Variants in NOC4L observed in about 807,000 individuals in gnomAD.
The protein encoded by NOC4L is nucleolar complex protein 4 homolog.
A neutral mutation model predicts 62.8 loss-of-function variants in NOC4L; 40 were observed. That is an observed-to-expected ratio of 0.64 (90% CI 0.49 to 0.83). The LOEUF (loss-of-function observed/expected upper bound fraction) is 0.83, where lower values mean the gene tolerates loss of function less well. Ranked by LOEUF, NOC4L falls within the 40% of genes least tolerant of loss-of-function variation. NOC4L has a pLI of 0.00. For synonymous variants in NOC4L, 433 were observed against 299.8 expected (o/e 1.44, Z -4.59); for missense variants, 927 against 701.9 (o/e 1.32, Z -3.62).
In NOC4L at chr12:132,151,290, G is replaced by A. The variant is rs1000492604; in HGVS notation, c.995G>A (p.Gly332Asp). Residue 332 changes from glycine (G) to aspartate (D), a missense_variant, in exon 11 of 15, where the codon GGC becomes GAC. Transcript: ENST00000330579. ...CCTGACTTCTACCGGAAGCTCTACG[G>A]CCTCTTGGACCCCTCTGTCTTTCAC... ...EYPDFYRKLY[G>D]LLDPSVFHVK... 2.5e-6 allele frequency: 4 copies of A among 1,611,894 alleles called. No homozygotes were observed. The highest frequency in any genetic ancestry group is 1.7e-4 in the Middle Eastern group (1 of 6,060).
intron 7 of NOC4L, 97 bp from the exon 8 acceptor site, chr12:132,148,512 G>C (rs1002099293): frequency 7.5e-6 from 10 of 1,335,236 alleles, no homozygotes; most frequent in Admixed American, 2.1e-5. Context: ...GAGCAGGCTT[G>C]TGTTGGCTCA....
chr12:132,150,799 C>T (rs1238248161), intron 9 of NOC4L, 182 bp from the exon 10 acceptor site: 3 of 597,138 alleles, frequency 5.0e-6, no homozygotes, highest in Admixed American at 2.8e-5. Context: ...CTTCCCCGAT[C>T]CCACTGCCTC....
rs149558270 is a variant in NOC4L at position 132,151,328 on chromosome 12, G to C, written c.1033G>C (p.Ala345Pro). The change falls in exon 11 of 15, where the codon GCC becomes CCC. Residue 345 changes from alanine to proline, a missense_variant. Physicochemically the swap from Ala to Pro is conservative, Grantham distance 27 (BLOSUM62 -1). Coordinates refer to ENST00000330579, the MANE Select transcript of NOC4L (RefSeq NM_024078.3). The stretch of plus-strand genomic sequence containing the variant: ...CTCTGTCTTTCACGTCAAGTACCGC[G>C]CCCGCTTCTTCCACCTGGCTGACCT... ...DPSVFHVKYR[A>P]RFFHLADLFL... The C allele has an allele frequency of 6.2e-7, 1 of 1,611,440 alleles. No individual in the cohort carries two copies. The highest frequency in any genetic ancestry group is 1.1e-5 in the South Asian group (1 of 91,082).
At position 132,146,476 on chromosome 12, in the gene NOC4L, T is replaced by C. The variant is rs1245038267; in HGVS notation, c.346-805T>C. The C allele has an allele frequency of 1.2e-5, 5 of 411,818 alleles. No homozygotes were observed. The East Asian group carries it at 2.2e-4, about 18-fold the overall frequency. The allele number at this position is 411,818 out of a possible 1,614,324, so 25.5% of individuals were successfully genotyped here. A position where few individuals can be genotyped will look rare whatever the true frequency, so the allele number is the denominator to read the frequency against. ...ATGTTTCTTTTGCTTGAATATGCCT[T>C]ATCAGTGGAATTACAAGGCCACACA... On this transcript the variant is annotated intron_variant, in intron 3 of 14. Coordinates refer to ENST00000330579, the MANE Select transcript of NOC4L (RefSeq NM_024078.3).
At position 132,151,269 on chromosome 12, in the gene NOC4L, A is replaced by C. The variant is rs759525409; in HGVS notation, c.974A>C (p.Asp325Ala). The part of the protein sequence containing the change: ...LIHKHNLEYP[D>A]FYRKLYGLLD... ...CCCCCGGCCCGCAGGGAGTACCCTG[A>C]CTTCTACCGGAAGCTCTACGGCCTC... Residue 325 changes from aspartate (D) to alanine (A), a missense_variant, in exon 11 of 15, where the codon GAC (aspartate) becomes GCC (alanine). Physicochemically the swap from Asp to Ala is moderately radical, Grantham distance 126. Transcript: ENST00000330579. 8 of 1,611,352 alleles carry C rather than the reference A, an allele frequency of 5.0e-6. No individual in the cohort carries two copies. Among genetic ancestry groups the C allele is most frequent in the Non-Finnish European group, 5.1e-6 (6 of 1,179,776 alleles).
At chr12:132,151,182 C>T (rs560310551) in intron 10 of NOC4L, 76 bp from the exon 11 acceptor site, 24 of 1,443,964 alleles carry the variant, frequency 1.7e-5, no homozygotes, top group Middle Eastern at 1.7e-4. Context: ...GAAGGGGCGC[C>T]GAGTGAGACC....
At chr12:132,152,039 G>T (rs1311831710) in intron 13 of NOC4L, 45 bp from the exon 14 acceptor site, 6 of 1,520,638 alleles carry the variant, frequency 3.9e-6, no homozygotes, top group Non-Finnish European at 3.5e-6. Flanking sequence ...GGGGCACAGG[G>T]CGGGGGCCTG....
rs1434853991 is a variant in NOC4L at position 132,148,650 on chromosome 12, C to G, written c.780C>G (p.Leu260=). 2 of 1,519,166 alleles carry G rather than the reference C, an allele frequency of 1.3e-6. No homozygotes were observed. The highest frequency in any genetic ancestry group is 1.8e-6 in the Non-Finnish European group (2 of 1,124,006). The allele number at this position is 1,519,166 out of a possible 1,614,324, so 94.1% of individuals were successfully genotyped here. ...TCCAGGCCATGTGGCTCAGCTTCCT[C>G]AAGCACAAGGTAGGGGCCAGGCCGG... ...RVFQAMWLSF[L]KHKLPLSLYK... is the part of the protein sequence containing the mutation. Residue 260 remains leucine (L), a synonymous_variant, in exon 8 of 15, where the codon CTC becomes CTG. Transcript: ENST00000330579.
intron 3 of NOC4L, among the ~76,000 whole-genome samples, chr12:132,146,582 C>T (rs968874202): frequency 1.8e-4 from 28 of 152,208 alleles, no homozygotes; most frequent in African/African-American, 6.0e-4. Flanking sequence ...CCCCTGGCAG[C>T]ATTTGAGAGT....
rs148183051 is a variant in NOC4L at position 132,146,118 on chromosome 12, C to G, written c.345+453C>G. The G allele has an allele frequency of 4.1e-3, 1,619 of 399,398 alleles. 15 individuals are homozygous for G. The highest frequency in any genetic ancestry group is 0.031 in the African/African-American group (1,499 of 48,768). 24.7% of individuals were successfully genotyped at this position (399,398 alleles called of 1,614,324 possible). On this transcript the variant is annotated intron_variant, in intron 3 of 14. Transcript: ENST00000330579. ...CTATCCCAGAACATCTTTATCGCCC[C>G]GAAAAGAAATCCTGTACCAGTTACC... is the stretch of plus-strand genomic sequence containing the variant.
chr12:132,144,884 G>T lies in NOC4L; in HGVS notation c.148G>T (p.Val50Phe), dbSNP rs752307819. The change falls in exon 2 of 15, where the codon GTC (valine) becomes TTC (phenylalanine). Residue 50 changes from valine to phenylalanine, a missense_variant. By Grantham distance (50) the Val-to-Phe change is conservative (BLOSUM62 -1). Coordinates refer to ENST00000330579, the MANE Select transcript of NOC4L (RefSeq NM_024078.3). ...GGACCAGGAGGAGATCCAGGAAGCA[G>T]TCCGCACGTGCAGCCGTCTTTTCGG... The part of the protein sequence containing the change: ...SEDQEEIQEA[V>F]RTCSRLFGAL... 6.2e-7 allele frequency: 1 copy of T among 1,602,388 alleles called. No individual in the cohort carries two copies. Among genetic ancestry groups the T allele is most frequent in the East Asian group, 2.3e-5 (1 of 44,402 alleles).
At position 132,151,310 on chromosome 12, in the gene NOC4L, T is replaced by C. The variant is rs762154233; in HGVS notation, c.1015T>C (p.Phe339Leu). ...CTACGGCCTCTTGGACCCCTCTGTC[T>C]TTCACGTCAAGTACCGCGCCCGCTT... The part of the protein sequence containing the change: ...KLYGLLDPSV[F>L]HVKYRARFFH... Residue 339 changes from phenylalanine (F) to leucine (L), a missense_variant, in exon 11 of 15, where the codon TTT becomes CTT. Coordinates refer to ENST00000330579, the MANE Select transcript of NOC4L (RefSeq NM_024078.3). 2 of 1,611,842 alleles carry C rather than the reference T, an allele frequency of 1.2e-6. No homozygotes were observed. Among genetic ancestry groups the C allele is most frequent in the African/African-American group, 2.7e-5 (2 of 74,920 alleles).
intron 7 of NOC4L, among the ~76,000 whole-genome samples, 186 bp downstream of exon 7, chr12:132,148,292 TC>T (rs1897802830): frequency 6.6e-6 from 1 of 152,148 alleles, no homozygotes; most frequent in Non-Finnish European, 1.5e-5. Flanking sequence ...CTCGGGACCC[TC>T]CCTTGGGTCA....
rs1565962541 is a variant in NOC4L at position 132,152,298 on chromosome 12, T to C, written c.1448T>C (p.Leu483Pro). ...LTAYEIFERD[L>P]KKKGPEPVPL... ...GCTTTGCAGATCTTTGAGCGGGACC[T>C]GAAGAAGAAGGGGCCCGAGCCGGTG... The change falls in exon 15 of 15, where the codon CTG becomes CCG. Residue 483 changes from leucine to proline, a missense_variant. Physicochemically the swap from Leu to Pro is moderately conservative, Grantham distance 98 (BLOSUM62 -3). Coordinates refer to ENST00000330579, the MANE Select transcript of NOC4L (RefSeq NM_024078.3). The C allele has an allele frequency of 3.8e-6, 6 of 1,562,088 alleles. No homozygotes were observed. In the South Asian group the frequency reaches 7.0e-5, roughly 18 times the overall value.
At chr12:132,148,342 C>T (rs1195980681) in intron 7 of NOC4L, among the ~76,000 whole-genome samples, 3 of 152,228 alleles carry the variant, frequency 2.0e-5, no homozygotes, top group Admixed American at 2.0e-4. Context: ...CCTCTGGTGC[C>T]ACCTGTGGGC....
intron 2 of NOC4L, 67 bp downstream of exon 2, chr12:132,145,041 T>C: frequency 1.3e-6 from 2 of 1,513,828 alleles, no homozygotes; most frequent in Non-Finnish European, 8.9e-7. Context: ...TTTGTCACCA[T>C]GGGATGAGCG....
Position 132,148,805 on chromosome 12 carries a change from A to C in NOC4L, c.811A>C (p.Lys271Gln), listed in dbSNP as rs1897830764. The part of the protein sequence containing the change: ...KHKLPLSLYK[K>Q]VLLIVHDAIL... ...CCAGCTGCCCCTCAGCCTCTACAAG[A>C]AGGTGCTGCTGATTGTGCATGACGC... Residue 271 changes from lysine (K) to glutamine (Q), a missense_variant, in exon 9 of 15, where the codon AAG becomes CAG. By Grantham distance (53) the Lys-to-Gln change is moderately conservative. Transcript: ENST00000330579. 6.3e-7 allele frequency: 1 copy of C among 1,583,614 alleles called. No individual in the cohort carries two copies. Among genetic ancestry groups the C allele is most frequent in the Non-Finnish European group, 8.5e-7 (1 of 1,169,678 alleles).
In NOC4L at chr12:132,148,665, G is replaced by C; in HGVS notation, c.789+6G>C. 1 of 1,546,716 alleles carries C rather than the reference G, an allele frequency of 6.5e-7. No individual in the cohort carries two copies. Among genetic ancestry groups the C allele is most frequent in the South Asian group, 1.2e-5 (1 of 83,816 alleles). Reference sequence around the variant, plus strand: ...TCAGCTTCCTCAAGCACAAGGTAGGGGCCAGGCCGGGGAGGGGGCGGGGGC... The same window carrying C: ...TCAGCTTCCTCAAGCACAAGGTAGGCGCCAGGCCGGGGAGGGGGCGGGGGC... On this transcript the variant is annotated splice_donor_region_variant and intron_variant, in intron 8 of 14. Coordinates refer to ENST00000330579, the MANE Select transcript of NOC4L (RefSeq NM_024078.3).
Position 132,152,104 on chromosome 12 carries a change from C to T in NOC4L, c.1338C>T (p.His446=). 1 of 1,612,140 alleles carries T rather than the reference C, an allele frequency of 6.2e-7. No individual in the cohort carries two copies. The highest frequency in any genetic ancestry group is 8.5e-7 in the Non-Finnish European group (1 of 1,179,826). ...WELQALQRHY[H]PEVSKAASVI... ...CCCAGGCCCTCCAGCGCCACTACCA[C>T]CCTGAGGTGTCCAAAGCCGCCAGCG... Residue 446 remains histidine (H), a synonymous_variant, in exon 14 of 15, where the codon CAC becomes CAT. Transcript: ENST00000330579.
Sources: allele counts gnomAD v4.1 joint callset (sites outside exome capture counted in the v4.1 genomes callset), GRCh38; gene constraint gnomAD v4.1.1; transcripts MANE v1.5; gene names NCBI Gene and HGNC (gene_info 2026-07-23, HGNC 2026-07-21).